The following CNTN5 variants were observed in gnomAD, a reference collection of about 807,000 sequenced individuals.
The protein encoded by CNTN5 is contactin-5.
In CNTN5, 77 loss-of-function variants were observed where a neutral mutation model predicts 129.1. The observed-to-expected ratio is 0.60, with a 90% CI of 0.50 to 0.72. The LOEUF (loss-of-function observed/expected upper bound fraction) is 0.72. Ranked by LOEUF, CNTN5 falls within the 30% of genes least tolerant of loss-of-function variation. CNTN5 has a pLI of 0.00. For missense variants in CNTN5, 1,478 were observed against 1,328.8 expected (o/e 1.11, Z -1.75); for synonymous variants, 509 against 465.6 (o/e 1.09, Z -1.20).
intron 1 of CNTN5, among the ~76,000 whole-genome samples, chr11:99,036,476 A>G (rs551100410): frequency 2.0e-5 from 3 of 152,302 alleles, no homozygotes; most frequent in Non-Finnish European, 4.4e-5. Flanking sequence ...AAAGTTATAC[A>G]TGATTTATAT....
chr11:99,333,997 C>G (rs1388177569), intron 2 of CNTN5, among the ~76,000 whole-genome samples: 1 of 142,134 alleles, frequency 7.0e-6, no homozygotes, highest in Non-Finnish European at 1.5e-5. Flanking sequence ...CACACACACA[C>G]AGTGCATTGT....
chr11:99,836,411 C>T (rs561282567), intron 4 of CNTN5, among the ~76,000 whole-genome samples: 63 of 151,286 alleles, frequency 4.2e-4, no homozygotes, highest in Admixed American at 2.9e-3. Context: ...TTTGTCCTTG[C>T]GATAGTTTGC....
At chr11:100,299,485 C>T (rs1951172853) in intron 20 of CNTN5, 89 bp downstream of exon 20, 1 of 728,384 alleles carries the variant, frequency 1.4e-6, no homozygotes, top group East Asian at 3.1e-5. Context: ...TTAGAAAATA[C>T]AAATAAGGCA....
At chr11:99,890,380 C>T (rs1019656508) in intron 6 of CNTN5, among the ~76,000 whole-genome samples, 6 of 151,808 alleles carry the variant, frequency 4.0e-5, no homozygotes, top group Non-Finnish European at 8.8e-5. Context: ...CCTTCTCTCT[C>T]TTCCTTATAT....
At chr11:99,455,737 A>G (rs923140467) in intron 2 of CNTN5, among the ~76,000 whole-genome samples, 1 of 152,118 alleles carries the variant, frequency 6.6e-6, no homozygotes, top group African/African-American at 2.4e-5. Flanking sequence ...GAATTACTGA[A>G]TTTTCCTTTC....
intron 1 of CNTN5, among the ~76,000 whole-genome samples, chr11:99,294,573 T>C (rs1346097967): frequency 6.6e-6 from 1 of 152,152 alleles, no homozygotes; most frequent in African/African-American, 2.4e-5. Context: ...TGAAGTAATA[T>C]TGTTATAAAT....
intron 6 of CNTN5, among the ~76,000 whole-genome samples, chr11:99,899,223 C>T (rs1596308): frequency 0.016 from 2,466 of 152,008 alleles, 85 homozygotes; most frequent in East Asian, 0.099. Flanking sequence ...TTATTTCTTT[C>T]TCTTACGTGA....
intron 3 of CNTN5, among the ~76,000 whole-genome samples, chr11:99,686,095 GTA>G (rs146871270): frequency 0.034 from 5,180 of 150,732 alleles, 297 homozygotes; most frequent in African/African-American, 0.12. Flanking sequence ...TTCCACCTGT[GTA>G]TATATATATA....
chr11:100,186,871 G>A (rs528704353), intron 13 of CNTN5, among the ~76,000 whole-genome samples: 23 of 152,066 alleles, frequency 1.5e-4, no homozygotes, highest in East Asian at 5.8e-4. Context: ...AAGTAATTAC[G>A]TGTGCAATAA....
intron 15 of CNTN5, among the ~76,000 whole-genome samples, chr11:100,205,810 C>T (rs1178007008): frequency 2.6e-5 from 4 of 152,028 alleles, no homozygotes; most frequent in African/African-American, 4.8e-5. Context: ...AAATACTACA[C>T]TATTTCATAT....
At chr11:99,856,906 T>C (rs145000549) in intron 6 of CNTN5, among the ~76,000 whole-genome samples, 6 of 152,282 alleles carry the variant, frequency 3.9e-5, no homozygotes, top group African/African-American at 1.4e-4. Context: ...TGATATCATG[T>C]CTTTATATCA....
At chr11:99,725,559 G>A (rs1332446898) in intron 3 of CNTN5, among the ~76,000 whole-genome samples, 3 of 151,868 alleles carry the variant, frequency 2.0e-5, no homozygotes, top group East Asian at 1.9e-4. Flanking sequence ...CCTTTGTAAC[G>A]TTTTCTTCTC....
chr11:99,953,804 G>C (rs184697879), intron 7 of CNTN5, among the ~76,000 whole-genome samples: 2 of 152,268 alleles, frequency 1.3e-5, no homozygotes, highest in Admixed American at 1.3e-4. Context: ...TGTATTTGTG[G>C]CCCAAATGCG....
At chr11:100,279,760 T>C (rs1221690226) in intron 18 of CNTN5, among the ~76,000 whole-genome samples, 1 of 151,840 alleles carries the variant, frequency 6.6e-6, no homozygotes, top group African/African-American at 2.4e-5. Context: ...TTTTGTTCTA[T>C]TGATCTTTTG....
chr11:100,043,120 C>T (rs953217938), intron 9 of CNTN5, among the ~76,000 whole-genome samples: 1 of 152,138 alleles, frequency 6.6e-6, no homozygotes, highest in African/African-American at 2.4e-5. Flanking sequence ...AAATTAAAAT[C>T]TTACTATGCT....
chr11:100,161,893 A>T (rs1465711588), intron 13 of CNTN5, among the ~76,000 whole-genome samples: 2 of 150,418 alleles, frequency 1.3e-5, no homozygotes, highest in Non-Finnish European at 3.0e-5. Flanking sequence ...ACAAAAAACA[A>T]AAAACACACC....
intron 3 of CNTN5, among the ~76,000 whole-genome samples, chr11:99,592,034 G>A (rs1451791433): frequency 6.6e-6 from 1 of 152,158 alleles, no homozygotes; most frequent in Non-Finnish European, 1.5e-5. Context: ...TAAACAGGTG[G>A]ACTGTTTACT....
At chr11:99,721,979 T>G (rs748441140) in intron 3 of CNTN5, among the ~76,000 whole-genome samples, 11 of 151,724 alleles carry the variant, frequency 7.3e-5, no homozygotes, top group Non-Finnish European at 1.2e-4. Context: ...AAAAAGCTAA[T>G]AACAGATGCT....
At chr11:100,231,540 T>C (rs1334216017) in intron 16 of CNTN5, among the ~76,000 whole-genome samples, 2 of 152,130 alleles carry the variant, frequency 1.3e-5, no homozygotes, top group Non-Finnish European at 2.9e-5. Context: ...CTAACAGAGT[T>C]CCAAGTTATA....
Sources: gnomAD v4.1 joint callset for allele counts (sites outside exome capture counted in the v4.1 genomes callset) on GRCh38, gnomAD v4.1.1 for gene constraint, MANE v1.5 for transcripts, NCBI Gene and HGNC (gene_info 2026-07-23, HGNC 2026-07-21) for gene names.